GALNT17: variants seen among roughly 807,000 people sequenced by gnomAD.
The protein encoded by GALNT17 is UDP-GalNAc:polypeptide N-acetylgalactosaminyltransferase-like 3.
A neutral mutation model predicts 63.7 loss-of-function variants in GALNT17; 29 were observed. The ratio of observed to expected loss-of-function variants is 0.46; its 90% confidence interval spans 0.34 to 0.62. The LOEUF (loss-of-function observed/expected upper bound fraction) is 0.62, where lower values mean the gene tolerates loss of function less well. Among genes scored for constraint, GALNT17 ranks in the 20% least tolerant of loss-of-function variants. The pLI, the probability that GALNT17 is intolerant of heterozygous loss-of-function variation, is 0.01. For synonymous variants in GALNT17, 305 were observed against 318.3 expected (o/e 0.96, Z 0.45); for missense variants, 603 against 799.6 (o/e 0.75, Z 2.97).
At chr7:71,550,411 C>T (rs1430656084) in intron 5 of GALNT17, among the ~76,000 whole-genome samples, 1 of 151,942 alleles carries the variant, frequency 6.6e-6, no homozygotes, top group Non-Finnish European at 1.5e-5. Flanking sequence ...GATGGAGTCT[C>T]GCTCTGTCCC....
rs1563047568 is a variant in GALNT17, at chr7:71,377,112, A to ATATATATATATAT, written c.423-11123_423-11122insTATATATATATAT. ...AAAAAAAAAAAAAATAAAAATAAAAAAAATATATATATATATATATATATA... is the reference window on the plus strand; with the variant it reads ...AAAAAAAAAAAAAATAAAAATAAAAATATATATATATATAAATATATATATATATATATATATA... On this transcript the variant is annotated intron_variant, in intron 2 of 10. Transcript: ENST00000333538. 8.7e-5 allele frequency among the ~76,000 whole-genome samples: 5 copies of ATATATATATATAT among 57,232 alleles called. 1 individual carries two copies. Among genetic ancestry groups the ATATATATATATAT allele is most frequent in the Non-Finnish European group, 1.6e-4 (5 of 31,206 alleles). The allele number at this position is 57,232 out of a possible 152,430, so 37.5% of individuals were successfully genotyped here.
At chr7:71,702,377 C>T (rs1024691305) in intron 9 of GALNT17, among the ~76,000 whole-genome samples, 4 of 152,042 alleles carry the variant, frequency 2.6e-5, no homozygotes, top group South Asian at 2.1e-4. Context: ...CAGGCATGGA[C>T]GGTTCACAGA....
intron 1 of GALNT17, among the ~76,000 whole-genome samples, chr7:71,300,110 C>T (rs1317429): frequency 0.36 from 54,777 of 151,966 alleles, 10,032 homozygotes; most frequent in East Asian, 0.5. Context: ...ATAATCCCGG[C>T]CTCTCAAAGC....
At chr7:71,465,102 A>G (rs575175618) in intron 5 of GALNT17, among the ~76,000 whole-genome samples, 183 of 152,322 alleles carry the variant, frequency 1.2e-3, no homozygotes, top group African/African-American at 4.1e-3. Flanking sequence ...AGAGGTGACC[A>G]ATGGCCACAG....
chr7:71,355,077 T>A (rs1280290247), intron 2 of GALNT17, among the ~76,000 whole-genome samples: 2 of 152,194 alleles, frequency 1.3e-5, no homozygotes, highest in East Asian at 3.8e-4. Context: ...ATTTGTGCTT[T>A]CTCTTTTTTC....
intron 2 of GALNT17, among the ~76,000 whole-genome samples, chr7:71,342,759 A>G (rs1185885341): frequency 6.6e-6 from 1 of 152,244 alleles, no homozygotes; most frequent in Non-Finnish European, 1.5e-5. Context: ...AGTCAATTGA[A>G]AATGTGTATT....
intron 1 of GALNT17, among the ~76,000 whole-genome samples, chr7:71,296,165 A>G (rs1325244579): frequency 6.6e-6 from 1 of 152,142 alleles, no homozygotes; most frequent in Non-Finnish European, 1.5e-5. Flanking sequence ...CACCATTAGT[A>G]ATTATCTTTC....
chr7:71,639,028 C>T (rs970589481), intron 6 of GALNT17, among the ~76,000 whole-genome samples: 69 of 151,996 alleles, frequency 4.5e-4, no homozygotes, highest in Non-Finnish European at 9.0e-4. Context: ...TTGGATAGCA[C>T]GACAGGGTGA....
chr7:71,545,827 A>G lies in GALNT17; in HGVS notation c.963-25458A>G, dbSNP rs143359237. 5.3e-5 allele frequency among the ~76,000 whole-genome samples: 8 copies of G among 152,298 alleles called. No individual in the cohort carries two copies. The East Asian group carries it at 1.4e-3, about 26-fold the overall frequency. ...GCTCATCTTTGATGGAGCTTCAGCT[A>G]TGAAATTCTGGGTTGTATGTGGATT... On this transcript the variant is annotated intron_variant, in intron 5 of 10. Transcript: ENST00000333538.
In GALNT17 at chr7:71,712,188, G is replaced by A; in HGVS notation, c.*42G>A. Reference sequence around the variant, plus strand: ...CACTGGAGCCTGGCCCCCAGGACATGGCTGCTCCCCCCAACATCTGGACCA... The same window carrying A: ...CACTGGAGCCTGGCCCCCAGGACATAGCTGCTCCCCCCAACATCTGGACCA... On this transcript the variant is annotated 3_prime_UTR_variant, in exon 11 of 11. Coordinates refer to ENST00000333538, the MANE Select transcript of GALNT17 (RefSeq NM_022479.3). The A allele has an allele frequency of 6.3e-7, 1 of 1,594,354 alleles. No homozygotes were observed.
chr7:71,662,851 T>TA (rs1790929187), intron 6 of GALNT17, among the ~76,000 whole-genome samples: 1 of 152,254 alleles, frequency 6.6e-6, no homozygotes, highest in Admixed American at 6.5e-5. Flanking sequence ...TTTTAGCTCT[T>TA]ATGTTTAGGT....
rs1186907556 is a variant in GALNT17 at position 71,712,212 on chromosome 7, C to G, written c.*66C>G. 27 of 1,569,524 alleles carry G rather than the reference C, an allele frequency of 1.7e-5. No individual in the cohort carries two copies. The highest frequency in any genetic ancestry group is 2.2e-5 in the Non-Finnish European group (26 of 1,158,834). Reference sequence around the variant, plus strand: ...TGGCTGCTCCCCCCAACATCTGGACCAGCTGCCCTGGCGGAGAGACAGCAA... The same window carrying G: ...TGGCTGCTCCCCCCAACATCTGGACGAGCTGCCCTGGCGGAGAGACAGCAA... On this transcript the variant is annotated 3_prime_UTR_variant, in exon 11 of 11. Coordinates refer to ENST00000333538, the MANE Select transcript of GALNT17 (RefSeq NM_022479.3).
chr7:71,629,499 G>A (rs1483231885), intron 6 of GALNT17, among the ~76,000 whole-genome samples: 5 of 151,986 alleles, frequency 3.3e-5, no homozygotes. Context: ...ATTTTCAGTT[G>A]TATTTTGAGA....
intron 1 of GALNT17, among the ~76,000 whole-genome samples, chr7:71,265,122 T>G (rs1345618727): frequency 6.5e-5 from 1 of 15,324 alleles, no homozygotes; most frequent in Non-Finnish European, 1.4e-4. Flanking sequence ...ATATATATTT[T>G]TTTTTTTTTT....
chr7:71,541,316 C>G (rs1273976218), intron 5 of GALNT17, among the ~76,000 whole-genome samples: 1 of 151,614 alleles, frequency 6.6e-6, no homozygotes, highest in Non-Finnish European at 1.5e-5. Flanking sequence ...AACTACACTT[C>G]CCGAAGCAGG....
intron 1 of GALNT17, among the ~76,000 whole-genome samples, chr7:71,153,807 C>A (rs1788178543): frequency 6.6e-6 from 1 of 152,028 alleles, no homozygotes; most frequent in Non-Finnish European, 1.5e-5. Flanking sequence ...GTCCCAGCTA[C>A]TCAGGAGGCT....
rs1326394028 is a variant in GALNT17 at position 71,196,994 on chromosome 7, C to T, written c.238+63954C>T. Among the ~76,000 whole-genome samples the T allele has an allele frequency of 2.6e-5, 4 of 151,762 alleles. No individual in the cohort carries two copies. The East Asian group carries it at 5.8e-4, about 22-fold the overall frequency. On this transcript the variant is annotated intron_variant, in intron 1 of 10. Coordinates refer to ENST00000333538, the MANE Select transcript of GALNT17 (RefSeq NM_022479.3). Reference sequence around the variant, plus strand: ...AATTTATTTTTAATTTTTGTGGATACGTAGTAGGTGTATATGTTTATAGAG... The same window carrying T: ...AATTTATTTTTAATTTTTGTGGATATGTAGTAGGTGTATATGTTTATAGAG...
intron 5 of GALNT17, among the ~76,000 whole-genome samples, chr7:71,473,392 C>T (rs1787673286): frequency 6.6e-6 from 1 of 152,176 alleles, no homozygotes; most frequent in African/African-American, 2.4e-5. Flanking sequence ...ACATTTTCCT[C>T]AGAAAAGACA....
intron 1 of GALNT17, among the ~76,000 whole-genome samples, chr7:71,219,246 C>G (rs1789539529): frequency 6.6e-6 from 1 of 152,144 alleles, no homozygotes; most frequent in Non-Finnish European, 1.5e-5. Context: ...GATTCACACC[C>G]AAACAATCTC....
Sources: gnomAD v4.1 joint callset for allele counts (sites outside exome capture counted in the v4.1 genomes callset) on GRCh38, gnomAD v4.1.1 for gene constraint, MANE v1.5 for transcripts, NCBI Gene and HGNC (gene_info 2026-07-23, HGNC 2026-07-21) for gene names.